Variants in CPVL observed in about 807,000 individuals in gnomAD.
The protein encoded by CPVL is carboxypeptidase vitellogenic like, also known as probable serine carboxypeptidase CPVL.
Under a neutral mutation model 63.7 loss-of-function variants are expected in CPVL, and 51 were observed. The ratio of observed to expected loss-of-function variants is 0.80; its 90% confidence interval spans 0.64 to 1.01. The LOEUF (loss-of-function observed/expected upper bound fraction) is 1.01. Ranked by LOEUF, CPVL falls within the 50% of genes least tolerant of loss-of-function variation. CPVL has a pLI of 0.00. For synonymous variants in CPVL, 195 were observed against 206.0 expected, an observed-to-expected ratio of 0.95 and a Z score of 0.46; for missense variants, 530 against 573.1, an observed-to-expected ratio of 0.92 and a Z score of 0.77.
chr7:29,082,763 T>C (rs1004962769), intron 7 of CPVL, among the ~76,000 whole-genome samples: 1 of 152,206 alleles, frequency 6.6e-6, no homozygotes, highest in African/African-American at 2.4e-5. Context: ...ATTATATGCA[T>C]AAAACCACAA....
intron 5 of CPVL, among the ~76,000 whole-genome samples, chr7:29,158,719 C>T (rs1794768573): frequency 6.6e-6 from 1 of 152,108 alleles, no homozygotes; most frequent in East Asian, 1.9e-4. Flanking sequence ...TAAAAGTGTT[C>T]CTGGAGATTT....
chr7:29,149,676 C>T (rs1384473502), upstream of CPVL, among the ~76,000 whole-genome samples: 1 of 152,128 alleles, frequency 6.6e-6, no homozygotes, highest in Non-Finnish European at 1.5e-5. Flanking sequence ...GCCAGCAGGG[C>T]CAGGTTCCCT....
intron 12 of CPVL, among the ~76,000 whole-genome samples, chr7:29,000,745 C>T (rs1006115847): frequency 1.3e-5 from 2 of 152,048 alleles, no homozygotes; most frequent in African/African-American, 4.8e-5. Context: ...CATTTTAAAG[C>T]GTATGATTCG....
At chr7:29,022,792 G>A (rs1478247485) in intron 12 of CPVL, among the ~76,000 whole-genome samples, 1 of 152,240 alleles carries the variant, frequency 6.6e-6, no homozygotes, top group Non-Finnish European at 1.5e-5. Context: ...TTGTCCAGAG[G>A]CCTGGGAATA....
At chr7:29,078,311 A>T (rs1026568733) in intron 7 of CPVL, among the ~76,000 whole-genome samples, 1 of 152,220 alleles carries the variant, frequency 6.6e-6, no homozygotes, top group Non-Finnish European at 1.5e-5. Flanking sequence ...TCTATTGAGA[A>T]GATACTCCTT....
intron 11 of CPVL, among the ~76,000 whole-genome samples, chr7:29,061,337 C>T (rs1042997274): frequency 1.3e-5 from 2 of 152,004 alleles, no homozygotes; most frequent in Admixed American, 6.6e-5. Context: ...CACTTGAACC[C>T]GGGATGTGGA....
chr7:29,000,710 CTT>C (rs1320532137), intron 12 of CPVL, among the ~76,000 whole-genome samples: 1 of 152,104 alleles, frequency 6.6e-6, no homozygotes, highest in Non-Finnish European at 1.5e-5. Context: ...GTAAAATACA[CTT>C]AACATAAAAT....
chr7:29,070,497 C>G (rs1783631391), intron 9 of CPVL, among the ~76,000 whole-genome samples: 1 of 152,240 alleles, frequency 6.6e-6, no homozygotes, highest in African/African-American at 2.4e-5. Flanking sequence ...TTCGTCCCCT[C>G]TGTGACTACC....
intron 7 of CPVL, among the ~76,000 whole-genome samples, chr7:29,078,894 A>G (rs914632006): frequency 6.6e-6 from 1 of 152,224 alleles, no homozygotes; most frequent in African/African-American, 2.4e-5. Context: ...TCCATTTTCA[A>G]TTCAAAAAGA....
intron 7 of CPVL, among the ~76,000 whole-genome samples, chr7:29,080,557 CA>C (rs138264408): frequency 0.6 from 61,607 of 103,348 alleles, 16,138 homozygotes; most frequent in Middle Eastern, 0.7. Flanking sequence ...CACTTTGTCT[CA>C]AAAAAAAAAA....
intron 5 of CPVL, among the ~76,000 whole-genome samples, chr7:29,161,150 T>C (rs1795122483): frequency 6.6e-6 from 1 of 152,172 alleles, no homozygotes; most frequent in African/African-American, 2.4e-5. Flanking sequence ...AGGAAGGTGC[T>C]CAAGGTTAGG....
intron 11 of CPVL, among the ~76,000 whole-genome samples, chr7:29,058,985 A>T (rs1791012727): frequency 1.3e-5 from 2 of 152,068 alleles, no homozygotes; most frequent in Admixed American, 1.3e-4. Context: ...TTATTGCTTT[A>T]AATATTGCTT....
chr7:29,079,531 C>T (rs66895448), intron 7 of CPVL, among the ~76,000 whole-genome samples: 16,263 of 152,198 alleles, frequency 0.11, 1,083 homozygotes, highest in Middle Eastern at 0.15. Context: ...TAGGATTAAA[C>T]GAGGTAATGC....
intron 1 of CPVL, among the ~76,000 whole-genome samples, chr7:29,131,307 A>G (rs893077803): frequency 6.6e-6 from 1 of 152,260 alleles, no homozygotes; most frequent in African/African-American, 2.4e-5. Context: ...ACAATGAATG[A>G]GAACATTTTA....
rs139506136 is a variant in CPVL, at chr7:29,066,049, T to G, written c.937A>C (p.Asn313His). The change falls in exon 10 of 13, where the codon AAT becomes CAT. Residue 313 changes from asparagine to histidine, a missense_variant. Asn to His is a moderately conservative substitution (Grantham distance 68). Coordinates refer to ENST00000265394, the MANE Select transcript of CPVL (RefSeq NM_031311.5). ...GTGCACCGCAAAAAGTTATAGTAAT[T>G]ACTACATCCTGTAACATTCTGGAAG... ...SYFQNVTGCS[N>H]YYNFLRCTEP... 6 of 1,606,154 alleles carry G rather than the reference T, an allele frequency of 3.7e-6. No individual in the cohort carries two copies. In the Admixed American group the frequency reaches 1.0e-4, roughly 27 times the overall value.
At position 29,030,737 on chromosome 7, in the gene CPVL, A is replaced by C. The variant is rs1787944746; in HGVS notation, c.1160T>G (p.Leu387Arg). 1 of 1,611,364 alleles carries C rather than the reference A, an allele frequency of 6.2e-7. No homozygotes were observed. Among genetic ancestry groups the C allele is most frequent in the Non-Finnish European group, 8.5e-7 (1 of 1,179,032 alleles). Reference protein sequence around the residue: ...NYKVLIYNGQLDIIVAAALTE... With the variant: ...NYKVLIYNGQRDIIVAAALTE... ...CAGGGCAGCTGCCACGATGATGTCC[A>C]GTTGGCCATTGTAGATCAGAACCTG... Residue 387 changes from leucine (L) to arginine (R), a missense_variant, in exon 12 of 13, where the codon CTG (leucine) becomes CGG (arginine). Leu to Arg is a moderately radical substitution (Grantham distance 102). Coordinates refer to ENST00000265394, the MANE Select transcript of CPVL (RefSeq NM_031311.5).
intron 12 of CPVL, among the ~76,000 whole-genome samples, chr7:29,026,798 T>C (rs770974507): frequency 6.6e-6 from 1 of 152,076 alleles, no homozygotes; most frequent in South Asian, 2.1e-4. Flanking sequence ...CAGGAAGATA[T>C]AGAAAACTTG....
At chr7:29,060,111 T>C (rs1228128707) in intron 11 of CPVL, among the ~76,000 whole-genome samples, 3 of 152,188 alleles carry the variant, frequency 2.0e-5, no homozygotes, top group Admixed American at 6.5e-5. Context: ...CTTTTGAATG[T>C]AGCAAGATCT....
rs185351070 is a variant in CPVL, at chr7:29,169,841, C to T, written c.-11+11449G>A. Among the ~76,000 whole-genome samples the T allele has an allele frequency of 2.4e-3, 355 of 150,930 alleles. 3 individuals carry two copies. The highest frequency in any genetic ancestry group is 1.0e-3 in the Non-Finnish European group (69 of 67,896). ...TAAGATGTATATATATATATACACA[C>T]ATATATATAAGTATATATACGTGTG... On this transcript the variant is annotated intron_variant, in intron 5 of 16. Coordinates refer to the CPVL transcript ENST00000409850.
Sources: allele counts gnomAD v4.1 joint callset (sites outside exome capture counted in the v4.1 genomes callset), GRCh38; gene constraint gnomAD v4.1.1; transcripts MANE v1.5; gene names NCBI Gene and HGNC (gene_info 2026-07-23, HGNC 2026-07-21).